Variants in DLGAP2 observed in about 807,000 individuals in gnomAD.
The protein encoded by DLGAP2 is DLG associated protein 2.
In DLGAP2, 26 loss-of-function variants were observed where a neutral mutation model predicts 100.3. The observed-to-expected ratio is 0.26, with a 90% CI of 0.19 to 0.36. The LOEUF (loss-of-function observed/expected upper bound fraction) is 0.36, where lower values mean the gene tolerates loss of function less well. DLGAP2 is among the 10% of genes least tolerant of loss of function. DLGAP2 has a pLI of 1.00. For synonymous variants in DLGAP2, 886 were observed against 630.1 expected (o/e 1.41, Z -6.08); for missense variants, 1,858 against 1,453.2 (o/e 1.28, Z -4.53).
At chr8:863,282 A>G (rs904421032) in intron 1 of DLGAP2, among the ~76,000 whole-genome samples, 1 of 152,208 alleles carries the variant, frequency 6.6e-6, no homozygotes, top group Non-Finnish European at 1.5e-5. Flanking sequence ...TTTGATACCA[A>G]TGACATGGAT....
At chr8:1,069,699 C>T (rs543346969) in intron 2 of DLGAP2, among the ~76,000 whole-genome samples, 1 of 152,200 alleles carries the variant, frequency 6.6e-6, no homozygotes, top group African/African-American at 2.4e-5. Context: ...TAATGCTGTA[C>T]CTACGATAAA....
intron 2 of DLGAP2, among the ~76,000 whole-genome samples, chr8:1,186,314 C>T (rs781361931): frequency 3.9e-5 from 6 of 152,240 alleles, no homozygotes; most frequent in African/African-American, 1.2e-4. Context: ...ACCATTAAGG[C>T]AGTTCATAAA....
chr8:820,188 T>G (rs1462019157), intron 1 of DLGAP2, among the ~76,000 whole-genome samples: 1 of 152,228 alleles, frequency 6.6e-6, no homozygotes, highest in Non-Finnish European at 1.5e-5. Flanking sequence ...CATTTCCATC[T>G]CACAACACAA....
intron 2 of DLGAP2, among the ~76,000 whole-genome samples, chr8:1,227,748 G>T (rs557168236): frequency 6.6e-6 from 1 of 152,286 alleles, no homozygotes; most frequent in South Asian, 2.1e-4. Flanking sequence ...CAGGGATGGG[G>T]TAGAGAGAGG....
intron 1 of DLGAP2, among the ~76,000 whole-genome samples, chr8:838,600 GA>G (rs1422499256): frequency 6.6e-6 from 1 of 151,760 alleles, no homozygotes; most frequent in Non-Finnish European, 1.5e-5. Context: ...TTCTAGCTTG[GA>G]CAAGTGCTCA....
intron 1 of DLGAP2, among the ~76,000 whole-genome samples, chr8:848,798 C>G (rs1280325899): frequency 6.8e-6 from 1 of 147,666 alleles, no homozygotes; most frequent in Admixed American, 6.8e-5. Flanking sequence ...GGTGCGTGTT[C>G]CAGTGTAGGA....
Position 1,626,170 on chromosome 8 carries a change from T to C in DLGAP2, c.1443-570T>C, listed in dbSNP as rs1179486452. ...AGCCTCTGGGTGTGGGTTGGACGGCTGTTCCCATCTCTACCCTGTGGCGGG... is the reference window on the plus strand; with the variant it reads ...AGCCTCTGGGTGTGGGTTGGACGGCCGTTCCCATCTCTACCCTGTGGCGGG... On this transcript the variant is annotated intron_variant, in intron 6 of 14. Coordinates refer to ENST00000637795, the MANE Select transcript of DLGAP2 (RefSeq NM_001346810.2). Among the ~76,000 whole-genome samples the C allele has an allele frequency of 5.5e-3, 538 of 97,464 alleles. 8 individuals are homozygous for C. Among genetic ancestry groups the C allele is most frequent in the African/African-American group, 0.025 (482 of 19,336 alleles). The allele number at this position is 97,464 out of a possible 152,430, so 63.9% of individuals were successfully genotyped here.
intron 2 of DLGAP2, among the ~76,000 whole-genome samples, chr8:988,225 T>C (rs1481961673): frequency 6.6e-6 from 1 of 152,196 alleles, no homozygotes; most frequent in Admixed American, 6.5e-5. Context: ...GATAGAGAAA[T>C]AGGTCCCAAA....
intron 2 of DLGAP2, among the ~76,000 whole-genome samples, chr8:995,228 T>C (rs1800752672): frequency 1.3e-5 from 2 of 152,202 alleles, no homozygotes; most frequent in African/African-American, 4.8e-5. Flanking sequence ...ACAACTGTTT[T>C]GTGGGAGGAA....
intron 6 of DLGAP2, among the ~76,000 whole-genome samples, chr8:1,623,386 C>G (rs1226146658): frequency 6.7e-6 from 1 of 149,826 alleles, no homozygotes; most frequent in Non-Finnish European, 1.5e-5. Context: ...TGCGTGATGA[C>G]CTGACACCAG....
At position 1,092,306 on chromosome 8, in the gene DLGAP2, A is replaced by AAGG. The variant is rs528918854; in HGVS notation, c.74-166545_74-166544insAGG. On this transcript the variant is annotated intron_variant, in intron 2 of 14. Transcript: ENST00000637795. ...CACTGTGCCGGGCTGGCACCTCCAC[A>AAGG]GCCCTCTGCTGATGTGCAATATGTG... Among the ~76,000 whole-genome samples, 5 of 152,298 alleles carry AAGG rather than the reference A, an allele frequency of 3.3e-5. No individual in the cohort carries two copies. In the South Asian group the frequency reaches 1.0e-3, roughly 32 times the overall value.
At chr8:908,071 G>A in intron 2 of DLGAP2, 105 bp downstream of exon 2, 1 of 395,586 alleles carries the variant, frequency 2.5e-6, no homozygotes, top group Non-Finnish European at 4.5e-6. Context: ...TTTTTATTTT[G>A]TGGGTTGTTT....
At chr8:1,050,314 C>T (rs765417057) in intron 2 of DLGAP2, among the ~76,000 whole-genome samples, 2 of 152,218 alleles carry the variant, frequency 1.3e-5, no homozygotes, top group Non-Finnish European at 2.9e-5. Context: ...ACGAGTGCCC[C>T]TCTGCTTCTG....
chr8:1,277,066 C>G (rs187913758), intron 3 of DLGAP2, among the ~76,000 whole-genome samples: 2 of 152,234 alleles, frequency 1.3e-5, no homozygotes, highest in Non-Finnish European at 2.9e-5. Context: ...AATCATTTTT[C>G]TGATACAAGT....
At chr8:1,234,989 T>TTGTGTCTAATTCTCTCTCACATGG (rs1408935946) in intron 2 of DLGAP2, among the ~76,000 whole-genome samples, 6 of 9,042 alleles carry the variant, frequency 6.6e-4, no homozygotes, top group Non-Finnish European at 2.0e-3. Flanking sequence ...ACGCATAGCA[T>TTGTGTCTAATTCTCTCTCACATGG]CGTGTCTAGT....
chr8:1,497,181 A>G (rs768610667), intron 3 of DLGAP2, among the ~76,000 whole-genome samples: 18 of 152,270 alleles, frequency 1.2e-4, no homozygotes, highest in Non-Finnish European at 1.8e-4. Context: ...GTGCATTCCC[A>G]CGCGTGAATG....
At chr8:1,106,126 T>C (rs564311867) in intron 2 of DLGAP2, among the ~76,000 whole-genome samples, 76 of 127,900 alleles carry the variant, frequency 5.9e-4, no homozygotes, top group Non-Finnish European at 1.0e-3. Flanking sequence ...AGGAGGGTTT[T>C]CTATTGAGGG....
chr8:1,050,590 A>G (rs1802649441), intron 2 of DLGAP2, among the ~76,000 whole-genome samples: 1 of 152,222 alleles, frequency 6.6e-6, no homozygotes, highest in Non-Finnish European at 1.5e-5. Flanking sequence ...CCCTGAATGC[A>G]GGAACTTGGT....
At chr8:1,241,881 C>G (rs907277731) in intron 2 of DLGAP2, among the ~76,000 whole-genome samples, 1 of 152,100 alleles carries the variant, frequency 6.6e-6, no homozygotes, top group Non-Finnish European at 1.5e-5. Flanking sequence ...AATTGTCACA[C>G]TGTTAAAATG....
Sources: gnomAD v4.1 joint callset for allele counts (sites outside exome capture counted in the v4.1 genomes callset) on GRCh38, gnomAD v4.1.1 for gene constraint, MANE v1.5 for transcripts, NCBI Gene and HGNC (gene_info 2026-07-23, HGNC 2026-07-21) for gene names.